ZNF385D: variants seen among roughly 807,000 people sequenced by gnomAD.
The protein encoded by ZNF385D is zinc finger protein 659.
ZNF385D carries 15 observed loss-of-function variants against 35.8 expected under a neutral mutation model. The observed-to-expected ratio is 0.42, with a 90% CI of 0.28 to 0.64. The LOEUF (loss-of-function observed/expected upper bound fraction) is 0.64, where lower values mean the gene tolerates loss of function less well. Among genes scored for constraint, ZNF385D ranks in the 30% least tolerant of loss-of-function variants. ZNF385D has a pLI of 0.23. For synonymous variants in ZNF385D, 212 were observed against 186.8 expected, an observed-to-expected ratio of 1.13 and a Z score of -1.10; for missense variants, 474 against 494.6, an observed-to-expected ratio of 0.96 and a Z score of 0.39.
intron 1 of ZNF385D, among the ~76,000 whole-genome samples, chr3:21,736,611 T>A (rs184667166): frequency 1.3e-5 from 2 of 152,348 alleles, no homozygotes; most frequent in East Asian, 3.9e-4. Context: ...TCCCCATTTG[T>A]AAAGCACAGG....
At chr3:22,183,183 A>T (rs1489661564) in intron 2 of ZNF385D, among the ~76,000 whole-genome samples, 2 of 152,158 alleles carry the variant, frequency 1.3e-5, no homozygotes, top group Non-Finnish European at 2.9e-5. Flanking sequence ...AAGTTTACAT[A>T]TAGTATTAAG....
chr3:21,602,895 T>G (rs1028399838), intron 2 of ZNF385D, among the ~76,000 whole-genome samples: 1 of 152,074 alleles, frequency 6.6e-6, no homozygotes, highest in African/African-American at 2.4e-5. Context: ...TAAAATGAAA[T>G]TATAAGCTAC....
intron 3 of ZNF385D, among the ~76,000 whole-genome samples, chr3:22,030,859 A>T (rs1697956733): frequency 6.6e-6 from 1 of 152,188 alleles, no homozygotes; most frequent in Admixed American, 6.5e-5. Context: ...GTAAAATCAA[A>T]AACAAGTTAG....
chr3:21,870,739 GT>G (rs1185407057), intron 3 of ZNF385D, among the ~76,000 whole-genome samples: 1 of 152,054 alleles, frequency 6.6e-6, no homozygotes, highest in African/African-American at 2.4e-5. Flanking sequence ...GTATATGTAT[GT>G]ACACCCCATT....
At chr3:22,004,189 T>C (rs1172794729) in intron 3 of ZNF385D, among the ~76,000 whole-genome samples, 3 of 152,046 alleles carry the variant, frequency 2.0e-5, no homozygotes, top group Non-Finnish European at 4.4e-5. Flanking sequence ...TAAGAATACA[T>C]GTTGGGGATA....
chr3:22,204,979 C>CAAAAAAAAAAAAAAAAAAAAACA (rs761954306), intron 2 of ZNF385D, among the ~76,000 whole-genome samples: 1 of 92,980 alleles, frequency 1.1e-5, no homozygotes, highest in Non-Finnish European at 2.1e-5. Context: ...TGACCAAATC[C>CAAAAAAAAAAAAAAAAAAAAACA]AAAAAAAAAA....
At chr3:22,336,926 A>AAAAAAAC (rs1695192728) in intron 2 of ZNF385D, among the ~76,000 whole-genome samples, 1 of 146,416 alleles carries the variant, frequency 6.8e-6, no homozygotes, top group Non-Finnish European at 1.5e-5. Context: ...AAAAAAAAAA[A>AAAAAAAC]AAAAAAAAAA....
intron 2 of ZNF385D, among the ~76,000 whole-genome samples, chr3:22,217,187 A>C (rs902522498): frequency 6.6e-6 from 1 of 152,086 alleles, no homozygotes; most frequent in African/African-American, 2.4e-5. Flanking sequence ...TCTTCCCACA[A>C]ATTGGAATAC....
Position 21,700,302 on chromosome 3 carries a change from G to C in ZNF385D, c.23-35274C>G, listed in dbSNP as rs562839014. Among the ~76,000 whole-genome samples, 23 of 152,192 alleles carry C rather than the reference G, an allele frequency of 1.5e-4. No homozygotes were observed. The South Asian group carries it at 4.8e-3, about 32-fold the overall frequency. On this transcript the variant is annotated intron_variant, in intron 1 of 7. Coordinates refer to ENST00000281523, the MANE Select transcript of ZNF385D (RefSeq NM_024697.3). ...TAAGCCATGTAGGTTTCTAGGGGAA[G>C]AAGCACTCCAGACTGAGGGAATAGT... is the stretch of plus-strand genomic sequence containing the variant.
intron 3 of ZNF385D, among the ~76,000 whole-genome samples, chr3:21,528,595 G>A (rs1305878825): frequency 2.0e-5 from 3 of 152,200 alleles, no homozygotes; most frequent in Non-Finnish European, 2.9e-5. Flanking sequence ...CCACATGAAA[G>A]AGGTGTGGTG....
At chr3:21,607,803 A>G (rs1428949290) in intron 2 of ZNF385D, among the ~76,000 whole-genome samples, 4 of 152,150 alleles carry the variant, frequency 2.6e-5, no homozygotes, top group African/African-American at 9.7e-5. Flanking sequence ...CAGAGATGAG[A>G]GACCACTGAA....
chr3:22,203,523 C>T (rs1450027517), intron 2 of ZNF385D, among the ~76,000 whole-genome samples: 1 of 152,088 alleles, frequency 6.6e-6, no homozygotes, highest in African/African-American at 2.4e-5. Flanking sequence ...CCAGCTCAGC[C>T]ACAAGGATAG....
chr3:22,118,113 G>T (rs1702901364), intron 3 of ZNF385D, among the ~76,000 whole-genome samples: 1 of 151,990 alleles, frequency 6.6e-6, no homozygotes, highest in African/African-American at 2.4e-5. Context: ...TTAGACACAG[G>T]TACTTTAAAT....
chr3:21,581,166 G>T (rs462594), intron 2 of ZNF385D, among the ~76,000 whole-genome samples: 1 of 152,102 alleles, frequency 6.6e-6, no homozygotes, highest in African/African-American at 2.4e-5. Context: ...GCTTGCCCCA[G>T]ACATTTTGCT....
At chr3:21,765,349 T>C (rs2070781682) in intron 3 of ZNF385D, among the ~76,000 whole-genome samples, 1 of 152,082 alleles carries the variant, frequency 6.6e-6, no homozygotes, top group Non-Finnish European at 1.5e-5. Context: ...TCAGAGCAGC[T>C]GCCAAGCCAT....
intron 3 of ZNF385D, among the ~76,000 whole-genome samples, chr3:21,945,244 GA>G (rs1701725379): frequency 6.6e-6 from 1 of 151,966 alleles, no homozygotes; most frequent in African/African-American, 2.4e-5. Context: ...AGGAGAAAGA[GA>G]AATTTTTCTA....
At chr3:21,933,349 AT>A (rs760792434) in intron 3 of ZNF385D, among the ~76,000 whole-genome samples, 1 of 152,148 alleles carries the variant, frequency 6.6e-6, no homozygotes. Context: ...AGATTTTGCT[AT>A]TTGATCTATA....
chr3:21,560,998 A>G (rs956776614), intron 3 of ZNF385D, among the ~76,000 whole-genome samples: 1 of 152,054 alleles, frequency 6.6e-6, no homozygotes, highest in Admixed American at 6.5e-5. Flanking sequence ...CCCTCCCCCA[A>G]CCAAGCTGGA....
At chr3:21,557,908 C>T (rs905932410) in intron 3 of ZNF385D, among the ~76,000 whole-genome samples, 1 of 152,018 alleles carries the variant, frequency 6.6e-6, no homozygotes, top group Admixed American at 6.6e-5. Flanking sequence ...GGAATTTATC[C>T]ATTTCTTCTA....
Sources: allele counts gnomAD v4.1 joint callset (sites outside exome capture counted in the v4.1 genomes callset), GRCh38; gene constraint gnomAD v4.1.1; transcripts MANE v1.5; gene names NCBI Gene and HGNC (gene_info 2026-07-23, HGNC 2026-07-21).